TRIM24: variants seen among roughly 807,000 people sequenced by gnomAD.
TRIM24 encodes the protein tripartite motif containing 24, also known as transcription intermediary factor 1-alpha.
TRIM24 carries 29 observed loss-of-function variants against 123.9 expected under a neutral mutation model. The observed-to-expected ratio is 0.23, with a 90% CI of 0.17 to 0.32. TRIM24 has a LOEUF of 0.32. Among genes scored for constraint, TRIM24 ranks in the 10% least tolerant of loss-of-function variants. TRIM24 has a pLI of 1.00. For missense variants in TRIM24, 932 were observed against 1,295.3 expected, an observed-to-expected ratio of 0.72 and a Z score of 4.31; for synonymous variants, 456 against 461.1, an observed-to-expected ratio of 0.99 and a Z score of 0.14.
intron 7 of TRIM24, among the ~76,000 whole-genome samples, chr7:138,543,886 G>A (rs1294907089): frequency 6.6e-6 from 1 of 152,130 alleles, no homozygotes; most frequent in Non-Finnish European, 1.5e-5. Context: ...CTAGGCTAGA[G>A]TGCAGTGACA....
At chr7:138,556,526 T>G (rs185774987) in intron 9 of TRIM24, 10 of 152,382 alleles carry the variant, frequency 6.6e-5, no homozygotes, top group Admixed American at 1.3e-4. Flanking sequence ...AAAAGATTAT[T>G]TATTTGTCCC....
chr7:138,496,591 G>A (rs959965823), intron 1 of TRIM24, among the ~76,000 whole-genome samples: 1 of 152,064 alleles, frequency 6.6e-6, no homozygotes, highest in African/African-American at 2.4e-5. Flanking sequence ...GGTTGAAGAA[G>A]TTTCCATCTG....
At chr7:138,477,645 T>C (rs539271870) in intron 1 of TRIM24, among the ~76,000 whole-genome samples, 36 of 152,348 alleles carry the variant, frequency 2.4e-4, no homozygotes, top group Middle Eastern at 3.4e-3. Flanking sequence ...AAAAAACTTA[T>C]ATTGCATTCA....
chr7:138,581,862 T>G lies in TRIM24; in HGVS notation c.2793+91T>G, dbSNP rs1183619945. 2.0e-5 allele frequency: 19 copies of G among 965,060 alleles called. No individual in the cohort carries two copies. The East Asian group carries it at 4.6e-4, about 23-fold the overall frequency. 59.8% of individuals were successfully genotyped at this position (965,060 alleles called of 1,614,324 possible). On this transcript the variant is annotated intron_variant, in intron 17 of 18. Transcript: ENST00000343526. ...TCTAGCTTATATTACCATTTTTCAG[T>G]ACTTTTTAATATCTAAACCTTAAAT...
At chr7:138,460,993 G>C in intron 1 of TRIM24, 81 bp downstream of exon 1, 1 of 1,271,566 alleles carries the variant, frequency 7.9e-7, no homozygotes, top group Non-Finnish European at 1.0e-6. Flanking sequence ...GCGACCCGCT[G>C]TCATGTCGCC....
At chr7:138,470,001 C>T (rs1795235492) in intron 1 of TRIM24, among the ~76,000 whole-genome samples, 1 of 152,142 alleles carries the variant, frequency 6.6e-6, no homozygotes, top group East Asian at 1.9e-4. Context: ...GTCTACATTT[C>T]CCCTCCAGTC....
chr7:138,554,649 C>T lies in TRIM24; in HGVS notation c.1262-49C>T, dbSNP rs1433049999. The T allele has an allele frequency of 1.3e-6, 2 of 1,565,946 alleles. No individual in the cohort carries two copies. The highest frequency in any genetic ancestry group is 1.9e-5 in the Admixed American group (1 of 52,718). On this transcript the variant is annotated intron_variant, in intron 8 of 18. Transcript: ENST00000343526. This position sits in a 1 kb window ranked among gnomAD's most constrained non-coding sequence, Gnocchi z 4.5. ...AATAGCTTTAGAAAATGTGATATTTCACCAACTATCTGAAAAACTGTTTCC... is the reference window on the plus strand; with the variant it reads ...AATAGCTTTAGAAAATGTGATATTTTACCAACTATCTGAAAAACTGTTTCC...
intron 7 of TRIM24, among the ~76,000 whole-genome samples, chr7:138,539,852 G>A (rs970594650): frequency 1.1e-4 from 16 of 147,570 alleles, no homozygotes; most frequent in Middle Eastern, 3.5e-3. Flanking sequence ...CCAGGCTGGA[G>A]TGCAGTGGCG....
intron 1 of TRIM24, among the ~76,000 whole-genome samples, chr7:138,474,657 G>A (rs1795357872): frequency 6.6e-6 from 1 of 152,156 alleles, no homozygotes; most frequent in East Asian, 1.9e-4. Flanking sequence ...ATGGATCCAA[G>A]TTCATTTTAT....
intron 17 of TRIM24, among the ~76,000 whole-genome samples, 160 bp downstream of exon 17, chr7:138,581,931 T>G (rs894083093): frequency 2.0e-5 from 3 of 152,204 alleles, no homozygotes; most frequent in Admixed American, 2.0e-4. Flanking sequence ...GTAGGTACAT[T>G]TTAGTAAGTG....
chr7:138,506,643 A>G (rs990165530), intron 2 of TRIM24, among the ~76,000 whole-genome samples: 2 of 152,188 alleles, frequency 1.3e-5, no homozygotes, highest in Admixed American at 6.5e-5. Flanking sequence ...ATACCTCCGT[A>G]TGATCAATTA....
chr7:138,536,181 G>A (rs927188921), intron 6 of TRIM24, among the ~76,000 whole-genome samples: 1 of 152,142 alleles, frequency 6.6e-6, no homozygotes, highest in Non-Finnish European at 1.5e-5. Context: ...TTAGCTCGGA[G>A]GAGTTTCATC....
intron 17 of TRIM24, among the ~76,000 whole-genome samples, chr7:138,583,270 TGAA>T (rs1270761486): frequency 6.6e-6 from 1 of 152,182 alleles, no homozygotes; most frequent in Admixed American, 6.5e-5. Context: ...TGTTTAATAA[TGAA>T]GAAAAAAATC....
intron 6 of TRIM24, 77 bp from the exon 7 acceptor site, chr7:138,538,579 AT>A: frequency 6.9e-7 from 1 of 1,449,922 alleles, no homozygotes; most frequent in Non-Finnish European, 9.5e-7. Context: ...AGTTATTCTA[AT>A]TTGTTTACCT....
chr7:138,487,389 G>A (rs1349907445), intron 1 of TRIM24, among the ~76,000 whole-genome samples: 3 of 152,178 alleles, frequency 2.0e-5, no homozygotes, highest in African/African-American at 7.2e-5. Flanking sequence ...AACAGGAGTG[G>A]TGAGAGAGGG....
intron 7 of TRIM24, among the ~76,000 whole-genome samples, chr7:138,546,396 C>T (rs75277699): frequency 1.3e-5 from 2 of 152,192 alleles, no homozygotes; most frequent in East Asian, 3.9e-4. Context: ...AACTTATATC[C>T]TTGATGGCAT....
At chr7:138,546,862 T>C (rs1310899890) in intron 7 of TRIM24, among the ~76,000 whole-genome samples, 1 of 152,192 alleles carries the variant, frequency 6.6e-6, no homozygotes, top group Non-Finnish European at 1.5e-5. Context: ...AGTACAACCA[T>C]AGAAAACAGT....
At chr7:138,461,352 AG>A (rs746927787) in intron 1 of TRIM24, 1 of 421,022 alleles carries the variant, frequency 2.4e-6, no homozygotes, top group East Asian at 6.8e-5. Flanking sequence ...TTTGAGCTGC[AG>A]GGGAGAAGGG....
intron 14 of TRIM24, among the ~76,000 whole-genome samples, chr7:138,578,503 G>GGAT (rs1222530668): frequency 2.0e-5 from 3 of 151,322 alleles, no homozygotes; most frequent in Non-Finnish European, 2.9e-5. Flanking sequence ...TAAGTTAAAG[G>GGAT]GATGGGGTGA....
Sources: allele counts gnomAD v4.1 joint callset (sites outside exome capture counted in the v4.1 genomes callset), GRCh38; gene constraint gnomAD v4.1.1; non-coding constraint Gnocchi (gnomAD v3.1); transcripts MANE v1.5; gene names NCBI Gene and HGNC (gene_info 2026-07-23, HGNC 2026-07-21).